The following SFT2D2 variants were observed in gnomAD, a reference collection of about 807,000 sequenced individuals.
SFT2D2 encodes the protein vesicle transport protein SFT2B.
Under a neutral mutation model 27.4 loss-of-function variants are expected in SFT2D2, and 21 were observed. The ratio of observed to expected loss-of-function variants is 0.77; its 90% CI spans 0.54 to 1.10. SFT2D2 has a LOEUF of 1.10. Among genes scored for constraint, SFT2D2 ranks in the 50% least tolerant of loss-of-function variants. The pLI, the probability that SFT2D2 is intolerant of heterozygous loss-of-function variation, is 0.00. For synonymous variants in SFT2D2, 72 were observed against 71.7 expected, an observed-to-expected ratio of 1.00 and a Z score of -0.02; for missense variants, 187 against 194.2, an observed-to-expected ratio of 0.96 and a Z score of 0.22.
At chr1:168,231,224 C>T (rs1483777615) in intron 1 of SFT2D2, among the ~76,000 whole-genome samples, 1 of 152,150 alleles carries the variant, frequency 6.6e-6, no homozygotes, top group East Asian at 1.9e-4. Context: ...GATTGGCTGT[C>T]TTGCCTTCCT....
chr1:168,233,979 C>T (rs780979586), intron 3 of SFT2D2, among the ~76,000 whole-genome samples: 2 of 152,218 alleles, frequency 1.3e-5, no homozygotes, highest in Admixed American at 6.5e-5. Flanking sequence ...CTTAATGGCA[C>T]TTCAAAGAGA....
At position 168,242,623 on chromosome 1, in the gene SFT2D2, G is replaced by A; in HGVS notation, c.*83G>A. 1 of 1,507,072 alleles carries A rather than the reference G, an allele frequency of 6.6e-7. No homozygotes were observed. The highest frequency in any genetic ancestry group is 9.2e-7 in the Non-Finnish European group (1 of 1,082,694). The allele number at this position is 1,507,072 out of a possible 1,614,324, so 93.4% of individuals were successfully genotyped here. A position where few individuals can be genotyped will look rare whatever the true frequency, so the allele number is the denominator to read the frequency against. ...TTTTGTAACTATCTTCGAAACCTCT[G>A]TCTTACAGACATGTGCCTTTTATCT... On this transcript the variant is annotated 3_prime_UTR_variant, in exon 8 of 8. Transcript: ENST00000271375.
chr1:168,241,827 C>G (rs905325193), intron 7 of SFT2D2, among the ~76,000 whole-genome samples: 1 of 152,142 alleles, frequency 6.6e-6, no homozygotes, highest in African/African-American at 2.4e-5. Context: ...ATCCATTCAC[C>G]TCTCCCTCCC....
chr1:168,234,318 C>G (rs1389800298), intron 3 of SFT2D2, among the ~76,000 whole-genome samples: 1 of 151,438 alleles, frequency 6.6e-6, no homozygotes, highest in African/African-American at 2.4e-5. Context: ...CACTTGAACC[C>G]AGGAGGTGGA....
chr1:168,235,111 C>A lies in SFT2D2; in HGVS notation c.247C>A (p.Leu83Ile). Residue 83 changes from leucine to isoleucine, a missense_variant, in exon 4 of 8, where the codon CTC becomes ATC. Transcript: ENST00000271375. ...NIASIGSTIF[L>I]MGPVKQLKRM... is the part of the protein sequence containing the mutation. ...GTGTTTGCCTTTTAGTACCATCTTCCTCATGGGACCAGTGAAACAGCTGAA... is the reference window on the plus strand; with the variant it reads ...GTGTTTGCCTTTTAGTACCATCTTCATCATGGGACCAGTGAAACAGCTGAA... 1.9e-5 allele frequency: 31 copies of A among 1,614,156 alleles called. No homozygotes were observed. The highest frequency in any genetic ancestry group is 2.6e-5 in the Non-Finnish European group (31 of 1,180,012).
At chr1:168,239,414 T>C (rs893325566) in intron 7 of SFT2D2, among the ~76,000 whole-genome samples, 4 of 151,956 alleles carry the variant, frequency 2.6e-5, no homozygotes, top group African/African-American at 9.7e-5. Flanking sequence ...ATATGGTGCA[T>C]ATATGCACAT....
rs552854659 is a variant in SFT2D2 at position 168,244,029 on chromosome 1, C to T, written c.*1489C>T. 8 of 152,452 alleles carry T rather than the reference C, an allele frequency of 5.2e-5. No homozygotes were observed. In the East Asian group the frequency reaches 1.2e-3, roughly 22 times the overall value. 9.4% of individuals were successfully genotyped at this position (152,452 alleles called of 1,614,324 possible). A position where few individuals can be genotyped will look rare whatever the true frequency, so the allele number is the denominator to read the frequency against. On this transcript the variant is annotated 3_prime_UTR_variant, in exon 8 of 8. Coordinates refer to ENST00000271375, the MANE Select transcript of SFT2D2 (RefSeq NM_199344.3). ...AATGACGTTTATCTGGATTGCCTTT[C>T]TGTTCTTTGCACAGGGCCAACTGGT...
chr1:168,235,235 G>A, intron 4 of SFT2D2, 53 bp downstream of exon 4: 1 of 1,527,818 alleles, frequency 6.5e-7, no homozygotes, highest in South Asian at 1.1e-5. Context: ...TATTTCTATT[G>A]TATAGGATGT....
chr1:168,236,248 G>A (rs1647495168), intron 4 of SFT2D2, among the ~76,000 whole-genome samples: 1 of 152,228 alleles, frequency 6.6e-6, no homozygotes, highest in Admixed American at 6.5e-5. Context: ...TTTGGTAGGA[G>A]TTAAAATAGA....
chr1:168,246,718 G>C lies in SFT2D2; in HGVS notation c.*4178G>C. ...ACGATGGTATGATTCCATTTCGTCA[G>C]TCTTTGCCTGCTTTGTTTTTCCTTC... On this transcript the variant is annotated 3_prime_UTR_variant, in exon 8 of 8. Transcript: ENST00000271375. 1.0e-6 allele frequency: 1 copy of C among 959,318 alleles called. No homozygotes were observed. Among genetic ancestry groups the C allele is most frequent in the South Asian group, 1.3e-5 (1 of 78,848 alleles). 59.4% of individuals were successfully genotyped at this position (959,318 alleles called of 1,614,324 possible).
chr1:168,232,043 A>G lies in SFT2D2; in HGVS notation c.236+124A>G, dbSNP rs1647335805. 3 of 722,272 alleles carry G rather than the reference A, an allele frequency of 4.2e-6. No individual in the cohort carries two copies. In the East Asian group the frequency reaches 8.0e-5, roughly 19 times the overall value. 44.7% of individuals were successfully genotyped at this position (722,272 alleles called of 1,614,324 possible). A position where few individuals can be genotyped will look rare whatever the true frequency, so the allele number is the denominator to read the frequency against. ...GTAAGGAATTTGGAGAGAAGTAGTT[A>G]GAATATCTCACATTCATATCTTATT... On this transcript the variant is annotated intron_variant, in intron 3 of 7. Transcript: ENST00000271375.
rs777905231 is a variant in SFT2D2 at position 168,231,887 on chromosome 1, T to G, written c.204T>G (p.Phe68Leu). 1.2e-6 allele frequency: 2 copies of G among 1,614,188 alleles called. No homozygotes were observed. The highest frequency in any genetic ancestry group is 1.7e-6 in the Non-Finnish European group (2 of 1,180,022). Residue 68 changes from phenylalanine to leucine, a missense_variant, in exon 3 of 8, where the codon TTT becomes TTG. Phe to Leu is a conservative substitution (Grantham distance 22). Transcript: ENST00000271375. ...PRKGLHLFAV[F>L]YTFGNIASIG... ...AGGGACTACACCTCTTCGCAGTGTT[T>G]TATACCTTTGGTAATATCGCATCAA...
At chr1:168,229,790 G>T (rs1700494856) in intron 1 of SFT2D2, 1 of 152,170 alleles carries the variant, frequency 6.6e-6, no homozygotes, top group African/African-American at 2.4e-5. Flanking sequence ...GAGCTTAAAT[G>T]CTTTAGTCCG....
rs772409874 is a variant in SFT2D2, at chr1:168,236,550, T to C, written c.319-39T>C. The C allele has an allele frequency of 4.0e-5, 64 of 1,586,712 alleles. 2 individuals are homozygous for C. The Admixed American group carries it at 7.8e-4, about 19-fold the overall frequency. ...GTTTTGAGTTTTTTTTTTCCTGCCA[T>C]GTTATTGTCATTAATTAATGTTTCC... On this transcript the variant is annotated intron_variant, in intron 4 of 7. Coordinates refer to ENST00000271375, the MANE Select transcript of SFT2D2 (RefSeq NM_199344.3).
chr1:168,231,621 C>T lies in SFT2D2; in HGVS notation c.150+21C>T, dbSNP rs1572451310. 16 of 1,606,840 alleles carry T rather than the reference C, an allele frequency of 1.0e-5. No individual in the cohort carries two copies. In the East Asian group the frequency reaches 2.9e-4, roughly 29 times the overall value. On this transcript the variant is annotated intron_variant, in intron 2 of 7. Transcript: ENST00000271375. ...TGCTGGTAAGATTTCCCTTCCTCCTCTGTCTTTTCCTTCTACCTGTCTTTG... is the reference window on the plus strand; with the variant it reads ...TGCTGGTAAGATTTCCCTTCCTCCTTTGTCTTTTCCTTCTACCTGTCTTTG...
rs934430547 is a variant in SFT2D2, at chr1:168,245,426, C to T, written c.*2886C>T. 6 of 152,102 alleles carry T rather than the reference C, an allele frequency of 3.9e-5. No individual in the cohort carries two copies. The highest frequency in any genetic ancestry group is 8.8e-5 in the Non-Finnish European group (6 of 68,014). The allele number at this position is 152,102 out of a possible 1,614,324, so 9.4% of individuals were successfully genotyped here. On this transcript the variant is annotated 3_prime_UTR_variant, in exon 8 of 8. Transcript: ENST00000271375. The stretch of plus-strand genomic sequence containing the variant: ...ATGTGGATTATCTGTACACTGATAA[C>T]TAAAAAGCATTGCTAAGAAAAATTA...
In SFT2D2 at chr1:168,248,896, C is replaced by G. The variant is rs994622401; in HGVS notation, c.*6356C>G. 52 of 151,810 alleles carry G rather than the reference C, an allele frequency of 3.4e-4. No individual in the cohort carries two copies. Among genetic ancestry groups the G allele is most frequent in the African/African-American group, 1.2e-3 (50 of 41,318 alleles). The allele number at this position is 151,810 out of a possible 1,614,324, so 9.4% of individuals were successfully genotyped here. Reference sequence around the variant, plus strand: ...TGCGTAGAGTTGTTTATAGTATTCTCTAATGGTAGTTTGTATTTCTGTGGT... The same window carrying G: ...TGCGTAGAGTTGTTTATAGTATTCTGTAATGGTAGTTTGTATTTCTGTGGT... On this transcript the variant is annotated 3_prime_UTR_variant, in exon 8 of 8. Coordinates refer to ENST00000271375, the MANE Select transcript of SFT2D2 (RefSeq NM_199344.3).
At chr1:168,238,531 A>G (rs1231053065) in intron 6 of SFT2D2, among the ~76,000 whole-genome samples, 2 of 152,020 alleles carry the variant, frequency 1.3e-5, no homozygotes, top group East Asian at 3.9e-4. Context: ...ACATTAAAAA[A>G]TTAGCCGGGC....
rs1250133189 is a variant in SFT2D2 at position 168,236,741 on chromosome 1, C to T, written c.384C>T (p.Phe128=). Residue 128 remains phenylalanine (F), a synonymous_variant, in exon 6 of 8, where the codon TTC becomes TTT. Coordinates refer to ENST00000271375, the MANE Select transcript of SFT2D2 (RefSeq NM_199344.3). The part of the protein sequence containing the change: ...WWHNKGLALI[F]CILQSLALTW... ...ATAACAAGGGACTTGCACTTATCTT[C>T]TGCATTTTGCAGTCTTTGGCATTGA... is the stretch of plus-strand genomic sequence containing the variant. 6.2e-7 allele frequency: 1 copy of T among 1,614,096 alleles called. No individual in the cohort carries two copies. Among genetic ancestry groups the T allele is most frequent in the Non-Finnish European group, 8.5e-7 (1 of 1,180,050 alleles).
Sources: gnomAD v4.1 joint callset for allele counts (sites outside exome capture counted in the v4.1 genomes callset) on GRCh38, gnomAD v4.1.1 for gene constraint, MANE v1.5 for transcripts, NCBI Gene and HGNC (gene_info 2026-07-23, HGNC 2026-07-21) for gene names.